Variants in ACER3 observed in about 807,000 individuals in gnomAD.
ACER3 encodes alkaline ceramidase 3.
Under a neutral mutation model 48.9 loss-of-function variants are expected in ACER3, and 16 were observed. The observed-to-expected ratio is 0.33, with a 90% CI of 0.22 to 0.50. The LOEUF is 0.50. ACER3 is among the 20% of genes least tolerant of loss of function. The probability of loss-of-function intolerance (pLI) is 0.98; values close to 1 mark genes in which losing one functional copy is unlikely to be tolerated. For synonymous variants in ACER3, 109 were observed against 107.8 expected, an observed-to-expected ratio of 1.01 and a Z score of -0.07; for missense variants, 227 against 326.0, an observed-to-expected ratio of 0.70 and a Z score of 2.34.
chr11:76,939,844 C>T (rs761198699), intron 2 of ACER3, among the ~76,000 whole-genome samples: 5 of 152,044 alleles, frequency 3.3e-5, no homozygotes, highest in African/African-American at 4.8e-5. Flanking sequence ...AGAGACAAGA[C>T]GGCTAAATGC....
At chr11:76,908,667 A>T (rs1363959750) in intron 1 of ACER3, among the ~76,000 whole-genome samples, 2 of 152,218 alleles carry the variant, frequency 1.3e-5, no homozygotes, top group African/African-American at 4.8e-5. Flanking sequence ...AAATGGCCAT[A>T]CTGCCCAAAG....
At chr11:76,913,831 G>T (rs2134737771) in intron 1 of ACER3, among the ~76,000 whole-genome samples, 1 of 152,276 alleles carries the variant, frequency 6.6e-6, no homozygotes, top group Admixed American at 6.5e-5. Flanking sequence ...AAACAGCCTG[G>T]TACTGGTACC....
intron 1 of ACER3, among the ~76,000 whole-genome samples, chr11:76,888,907 T>C (rs1049103760): frequency 6.6e-6 from 1 of 152,234 alleles, no homozygotes; most frequent in Non-Finnish European, 1.5e-5. Context: ...TGGGGGCCAC[T>C]TTAGATATCT....
At chr11:76,946,183 A>G (rs552807418) in intron 2 of ACER3, among the ~76,000 whole-genome samples, 1 of 151,996 alleles carries the variant, frequency 6.6e-6, no homozygotes, top group Admixed American at 6.5e-5. Context: ...AGAGAGCCTG[A>G]TTTCCCTGTC....
chr11:76,926,876 C>T (rs548681940), intron 2 of ACER3, among the ~76,000 whole-genome samples: 14 of 152,158 alleles, frequency 9.2e-5, no homozygotes, highest in African/African-American at 3.4e-4. Flanking sequence ...TTTAAGCATA[C>T]AAAAAAGAAT....
intron 7 of ACER3, among the ~76,000 whole-genome samples, chr11:77,006,320 A>C (rs1555021029): frequency 1.3e-5 from 2 of 151,884 alleles, no homozygotes; most frequent in African/African-American, 4.8e-5. Context: ...TGCATTTAGA[A>C]CCATATCAGA....
At chr11:77,008,030 C>G (rs1949189517) in intron 7 of ACER3, among the ~76,000 whole-genome samples, 1 of 152,096 alleles carries the variant, frequency 6.6e-6, no homozygotes, top group Admixed American at 6.5e-5. Context: ...CATTGTTCTC[C>G]ATAAATGTAT....
chr11:76,997,480 G>C (rs1341284634), intron 6 of ACER3, among the ~76,000 whole-genome samples: 1 of 152,136 alleles, frequency 6.6e-6, no homozygotes, highest in African/African-American at 2.4e-5. Flanking sequence ...CTGGCACTGA[G>C]ACCCTAATAA....
intron 1 of ACER3, among the ~76,000 whole-genome samples, chr11:76,925,029 A>C (rs1380443493): frequency 6.6e-6 from 1 of 150,984 alleles, no homozygotes; most frequent in Non-Finnish European, 1.5e-5. Flanking sequence ...ACATAGGGTT[A>C]ATATTAATAT....
intron 2 of ACER3, among the ~76,000 whole-genome samples, chr11:76,935,448 A>G (rs908071557): frequency 1.3e-5 from 2 of 152,218 alleles, no homozygotes; most frequent in African/African-American, 4.8e-5. Context: ...GCCTAGTAAA[A>G]CTATTGGATT....
rs150334216 is a variant in ACER3 at position 76,895,487 on chromosome 11, G to A, written c.104-31070G>A. ...GTACCAGGAAGAGAAAAAGTAGAAAGAGAGATATAATAGGGCTGAGGAAGG... is the reference window on the plus strand; with the variant it reads ...GTACCAGGAAGAGAAAAAGTAGAAAAAGAGATATAATAGGGCTGAGGAAGG... On this transcript the variant is annotated intron_variant, in intron 1 of 10. Coordinates refer to ENST00000532485, the MANE Select transcript of ACER3 (RefSeq NM_018367.7). Among the ~76,000 whole-genome samples the A allele has an allele frequency of 1.4e-3, 212 of 152,310 alleles. 1 individual carries two copies. The highest frequency in any genetic ancestry group is 4.7e-3 in the African/African-American group (196 of 41,566).
intron 7 of ACER3, among the ~76,000 whole-genome samples, chr11:77,013,545 A>C (rs1190608330): frequency 6.6e-6 from 1 of 152,122 alleles, no homozygotes; most frequent in Non-Finnish European, 1.5e-5. Flanking sequence ...ATACCTACTA[A>C]AACAGCTAAA....
chr11:76,995,402 T>G (rs555810522), intron 6 of ACER3, among the ~76,000 whole-genome samples: 1 of 152,358 alleles, frequency 6.6e-6, no homozygotes, highest in East Asian at 1.9e-4. Flanking sequence ...TGTCTAAAAT[T>G]ACAGCCCATC....
At chr11:76,934,467 C>T (rs1025917546) in intron 2 of ACER3, among the ~76,000 whole-genome samples, 1 of 152,262 alleles carries the variant, frequency 6.6e-6, no homozygotes, top group Non-Finnish European at 1.5e-5. Context: ...TGGCGGATCA[C>T]TTGTGGCTAG....
At chr11:77,004,052 C>T (rs1949085407) in intron 7 of ACER3, among the ~76,000 whole-genome samples, 1 of 152,162 alleles carries the variant, frequency 6.6e-6, no homozygotes, top group Admixed American at 6.5e-5. Flanking sequence ...TTGATAAAAT[C>T]TTCTACATAT....
At chr11:76,868,390 TC>T (rs1945156097) in intron 1 of ACER3, 2 of 214,490 alleles carry the variant, frequency 9.3e-6, no homozygotes, top group African/African-American at 6.1e-5. Context: ...TCTCTCTCTC[TC>T]TGTGTGTGTG....
chr11:77,018,420 T>C (rs1451792096), intron 9 of ACER3, among the ~76,000 whole-genome samples: 1 of 152,188 alleles, frequency 6.6e-6, no homozygotes, highest in Non-Finnish European at 1.5e-5. Flanking sequence ...AAATTAAAAA[T>C]AGGCCAATTA....
intron 1 of ACER3, among the ~76,000 whole-genome samples, chr11:76,867,694 A>C (rs1318977286): frequency 6.6e-6 from 1 of 152,184 alleles, no homozygotes; most frequent in East Asian, 1.9e-4. Context: ...AAGCTAAAAA[A>C]TACATGAAAA....
At chr11:76,898,388 T>A (rs1945988596) in intron 1 of ACER3, among the ~76,000 whole-genome samples, 1 of 152,270 alleles carries the variant, frequency 6.6e-6, no homozygotes, top group Admixed American at 6.5e-5. Context: ...TTGTTTGTTT[T>A]TTGAGACAGG....
Sources: gnomAD v4.1 joint callset for allele counts (sites outside exome capture counted in the v4.1 genomes callset) on GRCh38, gnomAD v4.1.1 for gene constraint, MANE v1.5 for transcripts, NCBI Gene and HGNC (gene_info 2026-07-23, HGNC 2026-07-21) for gene names.